Variants in PRKN observed in about 807,000 individuals in gnomAD.
PRKN encodes the protein parkin RBR E3 ubiquitin protein ligase.
A neutral mutation model predicts 59.5 loss-of-function variants in PRKN; 56 were observed. That is an observed-to-expected ratio of 0.94 (90% CI 0.76 to 1.18). PRKN has a LOEUF of 1.18. Ranked by LOEUF, PRKN falls within the 50% of genes most tolerant of loss-of-function variation. PRKN has a pLI of 0.00. For synonymous variants in PRKN, 250 were observed against 222.1 expected, an observed-to-expected ratio of 1.13 and a Z score of -1.12; for missense variants, 657 against 596.4, an observed-to-expected ratio of 1.10 and a Z score of -1.06.
chr6:162,158,363 G>A (rs1488550707), intron 4 of PRKN, among the ~76,000 whole-genome samples: 5 of 150,550 alleles, frequency 3.3e-5, no homozygotes, highest in Non-Finnish European at 5.9e-5. Flanking sequence ...TTTGACAAAG[G>A]CTACTTATCT....
intron 2 of PRKN, among the ~76,000 whole-genome samples, chr6:162,420,531 C>T (rs1230962221): frequency 2.0e-5 from 3 of 152,192 alleles, no homozygotes; most frequent in African/African-American, 7.2e-5. Context: ...AGGGGAGCCC[C>T]TGCCCAGTGG....
intron 2 of PRKN, among the ~76,000 whole-genome samples, chr6:162,441,905 T>C (rs1790071756): frequency 6.6e-6 from 1 of 152,180 alleles, no homozygotes; most frequent in Non-Finnish European, 1.5e-5. Flanking sequence ...ATATAAAATG[T>C]TTTGATTCAA....
intron 1 of PRKN, among the ~76,000 whole-genome samples, chr6:162,682,666 C>G (rs904544122): frequency 6.6e-6 from 1 of 152,002 alleles, no homozygotes; most frequent in African/African-American, 2.4e-5. Context: ...TGTCCACTAC[C>G]TGGGTCATGA....
rs1039252095 is a variant in PRKN, at chr6:161,468,979, C to G, written c.1083+79875G>C. On this transcript the variant is annotated intron_variant, in intron 9 of 11. Coordinates refer to ENST00000366898, the MANE Select transcript of PRKN (RefSeq NM_004562.3). This position sits in a 1 kb window ranked among gnomAD's most constrained non-coding sequence, Gnocchi z 5.9. The stretch of plus-strand genomic sequence containing the variant: ...TACACAAATGGGCGCTCCCTACAGG[C>G]CAAGTAAAATTCCTTCATGCATCTC... Among the ~76,000 whole-genome samples the G allele has an allele frequency of 6.6e-6, 1 of 152,164 alleles. No individual in the cohort carries two copies. Among genetic ancestry groups the G allele is most frequent in the East Asian group, 1.9e-4 (1 of 5,198 alleles).
chr6:162,019,844 C>T (rs1258409490), intron 5 of PRKN, among the ~76,000 whole-genome samples: 1 of 151,950 alleles, frequency 6.6e-6, no homozygotes, highest in African/African-American at 2.4e-5. Context: ...CATGGTGAAA[C>T]CCTGTCTCTA....
intron 2 of PRKN, among the ~76,000 whole-genome samples, chr6:162,334,147 A>G (rs1198781463): frequency 6.6e-6 from 1 of 152,212 alleles, no homozygotes; most frequent in East Asian, 1.9e-4. Flanking sequence ...TGTCTCCATC[A>G]TGTAAAAATG....
intron 4 of PRKN, among the ~76,000 whole-genome samples, chr6:162,150,795 G>A (rs879192853): frequency 6.6e-6 from 1 of 152,078 alleles, no homozygotes; most frequent in Admixed American, 6.6e-5. Flanking sequence ...ACACAGACAG[G>A]AAATTGGATG....
intron 1 of PRKN, among the ~76,000 whole-genome samples, chr6:162,720,883 A>G (rs1778918464): frequency 1.3e-5 from 2 of 152,242 alleles, no homozygotes; most frequent in African/African-American, 4.8e-5. Flanking sequence ...CAGAGAAGAA[A>G]CTATAAATAG....
At chr6:162,272,120 G>A (rs1313155315) in intron 2 of PRKN, among the ~76,000 whole-genome samples, 1 of 152,116 alleles carries the variant, frequency 6.6e-6, no homozygotes, top group South Asian at 2.1e-4. Context: ...GGGCGGGAGG[G>A]GGGACCGCTC....
At chr6:161,900,030 G>C (rs1208517179) in intron 6 of PRKN, among the ~76,000 whole-genome samples, 1 of 151,978 alleles carries the variant, frequency 6.6e-6, no homozygotes, top group Admixed American at 6.6e-5. Flanking sequence ...AGATTTGCTT[G>C]GACCTGGGAG....
chr6:161,963,863 T>C (rs936845371), intron 6 of PRKN, among the ~76,000 whole-genome samples: 2 of 152,240 alleles, frequency 1.3e-5, no homozygotes, highest in African/African-American at 4.8e-5. Context: ...GGCATGTCAG[T>C]CAATTTGGGT....
At chr6:162,323,385 T>C (rs1301619522) in intron 2 of PRKN, among the ~76,000 whole-genome samples, 1 of 151,668 alleles carries the variant, frequency 6.6e-6, no homozygotes, top group African/African-American at 2.4e-5. Context: ...TCTATAAAAA[T>C]CTATAAAAGA....
chr6:161,729,145 CTTAGGCAGCTGAGAATGTG>C (rs921820196), intron 7 of PRKN, among the ~76,000 whole-genome samples: 1 of 152,214 alleles, frequency 6.6e-6, no homozygotes, highest in African/African-American at 2.4e-5. Context: ...TCAAATTCAG[CTTAGGCAGCTGAGAATGTG>C]TATCACTGCT....
At chr6:162,006,639 G>C (rs1022049691) in intron 5 of PRKN, among the ~76,000 whole-genome samples, 1 of 152,116 alleles carries the variant, frequency 6.6e-6, no homozygotes, top group Non-Finnish European at 1.5e-5. Flanking sequence ...CTCTGCTTAC[G>C]ATGCCTTGCA....
intron 2 of PRKN, among the ~76,000 whole-genome samples, chr6:162,274,172 A>ATTT (rs1780507696): frequency 2.0e-5 from 3 of 151,390 alleles, no homozygotes; most frequent in African/African-American, 7.3e-5. Context: ...TTAATTTATT[A>ATTT]ATTTATTAAT....
Position 161,377,007 on chromosome 6 carries a change from C to G in PRKN, c.1167+9787G>C, listed in dbSNP as rs145637838. Among the ~76,000 whole-genome samples, 1 of 152,174 alleles carries G rather than the reference C, an allele frequency of 6.6e-6. No homozygotes were observed. Among genetic ancestry groups the G allele is most frequent in the Non-Finnish European group, 1.5e-5 (1 of 68,038 alleles). On this transcript the variant is annotated intron_variant, in intron 10 of 11. Coordinates refer to ENST00000366898, the MANE Select transcript of PRKN (RefSeq NM_004562.3). This position sits in a 1 kb window ranked among gnomAD's most constrained non-coding sequence, Gnocchi z 4.2. ...GTGCTGGAAGCTCTGAGTGGGGCCC[C>G]GAGGAGCAAAGGGCAGGGTCAGGCG...
At chr6:161,850,960 T>C (rs1014258695) in intron 6 of PRKN, among the ~76,000 whole-genome samples, 6 of 152,216 alleles carry the variant, frequency 3.9e-5, no homozygotes, top group Non-Finnish European at 7.3e-5. Flanking sequence ...TGCCTTGGAT[T>C]GTCTGTGAAA....
chr6:161,778,822 T>C (rs1790067718), intron 7 of PRKN, among the ~76,000 whole-genome samples: 1 of 152,234 alleles, frequency 6.6e-6, no homozygotes, highest in Non-Finnish European at 1.5e-5. Flanking sequence ...GGATCAGGCA[T>C]GGACTCTGAA....
intron 7 of PRKN, among the ~76,000 whole-genome samples, chr6:161,743,514 G>T (rs892041200): frequency 1.3e-5 from 2 of 151,922 alleles, no homozygotes; most frequent in African/African-American, 4.8e-5. Flanking sequence ...CTCCCAAAGT[G>T]CTGGGATTAC....
Sources: gnomAD v4.1 joint callset for allele counts (sites outside exome capture counted in the v4.1 genomes callset) on GRCh38, gnomAD v4.1.1 for gene constraint, Gnocchi (gnomAD v3.1) non-coding constraint, MANE v1.5 for transcripts, NCBI Gene and HGNC (gene_info 2026-07-23, HGNC 2026-07-21) for gene names.